The following ZC3H8 variants were observed in gnomAD, a reference collection of about 807,000 sequenced individuals.
ZC3H8 encodes the protein zinc finger CCCH domain-containing protein 8.
ZC3H8 carries 27 observed loss-of-function variants against 42.5 expected under a neutral mutation model. That is an observed-to-expected ratio of 0.64 (90% confidence interval 0.47 to 0.88). The LOEUF is 0.88. ZC3H8 is among the 40% of genes least tolerant of loss of function. The probability of loss-of-function intolerance (pLI) is 0.00; values close to 1 mark genes in which losing one functional copy is unlikely to be tolerated. For synonymous variants in ZC3H8, 101 were observed against 110.1 expected (o/e 0.92, Z 0.52); for missense variants, 277 against 336.1 (o/e 0.82, Z 1.37).
rs1684281677 is a variant in ZC3H8 at position 112,215,330 on chromosome 2, A to C, written c.*1154T>G. The C allele has an allele frequency of 6.6e-6, 1 of 152,226 alleles. No individual in the cohort carries two copies. The highest frequency in any genetic ancestry group is 1.5e-5 in the Non-Finnish European group (1 of 68,054). The allele number at this position is 152,226 out of a possible 1,614,324, so 9.4% of individuals were successfully genotyped here. The stretch of plus-strand genomic sequence containing the variant: ...CCAATCAACCTGGGCAGACAGCAAA[A>C]GGGCACTGAGAGATGACTTGCTCTC... On this transcript the variant is annotated 3_prime_UTR_variant, in exon 9 of 9. Coordinates refer to ENST00000409573, the MANE Select transcript of ZC3H8 (RefSeq NM_032494.3).
chr2:112,234,610 G>T (rs1467528887), intron 4 of ZC3H8, among the ~76,000 whole-genome samples: 2 of 152,126 alleles, frequency 1.3e-5, no homozygotes, highest in African/African-American at 4.8e-5. Flanking sequence ...AGACCAGCCT[G>T]GCCAACACAG....
chr2:112,219,768 A>G (rs1404394955), intron 8 of ZC3H8, among the ~76,000 whole-genome samples: 1 of 152,108 alleles, frequency 6.6e-6, no homozygotes, highest in Non-Finnish European at 1.5e-5. Context: ...AGAGTTCTGC[A>G]GATGTCTACT....
Position 112,255,039 on chromosome 2 carries a change from G to C in ZC3H8, c.-58C>G. ...GAAGCTACAGAGTAACAACCCGAGA[G>C]AGTGACAACCCGGACGCGACGAGAC... On this transcript the variant is annotated 5_prime_UTR_variant, in exon 1 of 9. Coordinates refer to ENST00000409573, the MANE Select transcript of ZC3H8 (RefSeq NM_032494.3). 1 of 1,534,056 alleles carries C rather than the reference G, an allele frequency of 6.5e-7. No individual in the cohort carries two copies. The highest frequency in any genetic ancestry group is 8.8e-7 in the Non-Finnish European group (1 of 1,137,118).
chr2:112,228,914 GATCTAA>G (rs1684970038), intron 8 of ZC3H8, among the ~76,000 whole-genome samples: 1 of 151,576 alleles, frequency 6.6e-6, no homozygotes, highest in Non-Finnish European at 1.5e-5. Flanking sequence ...AATGGGCAGA[GATCTAA>G]ACTGACTAAT....
rs919426290 is a variant in ZC3H8 at position 112,255,025 on chromosome 2, G to C, written c.-44C>G. 1.9e-6 allele frequency: 3 copies of C among 1,560,346 alleles called. No individual in the cohort carries two copies. The highest frequency in any genetic ancestry group is 3.8e-5 in the Admixed American group (2 of 52,330). On this transcript the variant is annotated 5_prime_UTR_variant, in exon 1 of 9. Coordinates refer to ENST00000409573, the MANE Select transcript of ZC3H8 (RefSeq NM_032494.3). ...CTTTCGCGAGCCGGGAAGCTACAGA[G>C]TAACAACCCGAGAGAGTGACAACCC...
intron 8 of ZC3H8, among the ~76,000 whole-genome samples, chr2:112,219,359 T>G (rs1684484993): frequency 6.6e-6 from 1 of 152,214 alleles, no homozygotes; most frequent in African/African-American, 2.4e-5. Context: ...CAAATGGTGC[T>G]AGGAAAACTG....
In ZC3H8 at chr2:112,250,285, T is replaced by C. The variant is rs1238143081; in HGVS notation, c.75-13A>G. On this transcript the variant is annotated splice_polypyrimidine_tract_variant and intron_variant, in intron 1 of 8. Transcript: ENST00000409573. ...TTCATCATCGATTCTGTAGCAAAAA[T>C]ATCAAATAACACAAAAGAGTTTTTT... 6.5e-7 allele frequency: 1 copy of C among 1,538,538 alleles called. No individual in the cohort carries two copies. The highest frequency in any genetic ancestry group is 8.8e-7 in the Non-Finnish European group (1 of 1,139,808).
intron 8 of ZC3H8, among the ~76,000 whole-genome samples, chr2:112,218,189 G>A (rs1186162260): frequency 6.6e-6 from 1 of 152,070 alleles, no homozygotes; most frequent in Non-Finnish European, 1.5e-5. Flanking sequence ...CATTCTCTAG[G>A]CATAATATTG....
chr2:112,243,601 A>G (rs1045000015), intron 2 of ZC3H8, among the ~76,000 whole-genome samples: 2 of 151,504 alleles, frequency 1.3e-5, no homozygotes, highest in African/African-American at 4.9e-5. Context: ...CATTCTTCTC[A>G]TTAGAATCGT....
In ZC3H8 at chr2:112,212,965, C is replaced by CTTTTTTTTT. The variant is rs35500593; in HGVS notation, c.*3510_*3518dup. On this transcript the variant is annotated 3_prime_UTR_variant, in exon 9 of 9. Coordinates refer to ENST00000409573, the MANE Select transcript of ZC3H8 (RefSeq NM_032494.3). ...CAGCAAGCACAACTCAGAAGAAATGCTTTTTTTTTTTTTTTTTTTTTTTAT... is the reference window on the plus strand; with the variant it reads ...CAGCAAGCACAACTCAGAAGAAATGCTTTTTTTTTTTTTTTTTTTTTTTTTTTTTTTTAT... 34 of 84,888 alleles carry CTTTTTTTTT rather than the reference C, an allele frequency of 4.0e-4. No individual in the cohort carries two copies. The highest frequency in any genetic ancestry group is 7.5e-4 in the African/African-American group (16 of 21,230). The allele number at this position is 84,888 out of a possible 1,614,324, so 5.3% of individuals were successfully genotyped here.
rs1272221524 is a variant in ZC3H8, at chr2:112,215,308, A to G, written c.*1176T>C. The G allele has an allele frequency of 2.0e-5, 3 of 152,290 alleles. No individual in the cohort carries two copies. Among genetic ancestry groups the G allele is most frequent in the Admixed American group, 6.5e-5 (1 of 15,296 alleles). 9.4% of individuals were successfully genotyped at this position (152,290 alleles called of 1,614,324 possible). A position where few individuals can be genotyped will look rare whatever the true frequency, so the allele number is the denominator to read the frequency against. On this transcript the variant is annotated 3_prime_UTR_variant, in exon 9 of 9. Coordinates refer to ENST00000409573, the MANE Select transcript of ZC3H8 (RefSeq NM_032494.3). Reference sequence around the variant, plus strand: ...CGAGCCACAGCTGAGAAGCGAACCAATCAACCTGGGCAGACAGCAAAAGGG... The same window carrying G: ...CGAGCCACAGCTGAGAAGCGAACCAGTCAACCTGGGCAGACAGCAAAAGGG...
At chr2:112,227,953 T>C (rs1004071245) in intron 8 of ZC3H8, among the ~76,000 whole-genome samples, 1 of 151,854 alleles carries the variant, frequency 6.6e-6, no homozygotes, top group African/African-American at 2.4e-5. Flanking sequence ...TTAAAACTTA[T>C]ATGGAAAAGC....
chr2:112,250,105 TG>T, intron 2 of ZC3H8, 85 bp downstream of exon 2: 1 of 964,268 alleles, frequency 1.0e-6, no homozygotes, highest in Non-Finnish European at 1.5e-6. Context: ...CATTTCCATC[TG>T]TTTTTTCTTT....
intron 1 of ZC3H8, among the ~76,000 whole-genome samples, chr2:112,254,321 T>C (rs1457890137): frequency 6.6e-6 from 1 of 152,242 alleles, no homozygotes; most frequent in East Asian, 1.9e-4. Context: ...AGAGTCTCAC[T>C]TGCTTTTCCA....
intron 8 of ZC3H8, among the ~76,000 whole-genome samples, chr2:112,220,081 T>C (rs1284709926): frequency 6.6e-6 from 1 of 152,202 alleles, no homozygotes; most frequent in Non-Finnish European, 1.5e-5. Flanking sequence ...CAGCATACCA[T>C]TGGGTTTTGT....
In ZC3H8 at chr2:112,238,485, T is replaced by C; in HGVS notation, c.200A>G (p.Lys67Arg). The C allele has an allele frequency of 6.2e-7, 1 of 1,612,364 alleles. No individual in the cohort carries two copies. The highest frequency in any genetic ancestry group is 2.2e-5 in the East Asian group (1 of 44,860). Residue 67 changes from lysine (K) to arginine (R), a missense_variant, in exon 3 of 9, where the codon AAA becomes AGA. Coordinates refer to ENST00000409573, the MANE Select transcript of ZC3H8 (RefSeq NM_032494.3). Reference sequence around the variant, plus strand: ...TACATCATAGTCCTTACTTCTTGATTTTCTATGCAGCGAACTTTTTGGTGA... The same window carrying C: ...TACATCATAGTCCTTACTTCTTGATCTTCTATGCAGCGAACTTTTTGGTGA... ...AISPKSSLHR[K>R]SRSKDYDVYS... is the part of the protein sequence containing the mutation.
intron 2 of ZC3H8, among the ~76,000 whole-genome samples, chr2:112,248,782 T>C (rs994095912): frequency 1.3e-5 from 2 of 152,330 alleles, no homozygotes; most frequent in Middle Eastern, 3.4e-3. Context: ...TATAATGAAC[T>C]ACTAACCCCT....
intron 3 of ZC3H8, 117 bp downstream of exon 3, chr2:112,238,198 T>G (rs1032232560): frequency 5.1e-5 from 55 of 1,077,740 alleles, no homozygotes; most frequent in Admixed American, 3.8e-4. Flanking sequence ...TAAATATTCA[T>G]GAAAACCATA....
chr2:112,238,611 A>G, intron 2 of ZC3H8, 83 bp from the exon 3 acceptor site: 1 of 1,150,024 alleles, frequency 8.7e-7, no homozygotes, highest in South Asian at 1.5e-5. Context: ...AAGATTGGCT[A>G]TAAACTGGTC....
Sources: gnomAD v4.1 joint callset for allele counts (sites outside exome capture counted in the v4.1 genomes callset) on GRCh38, gnomAD v4.1.1 for gene constraint, MANE v1.5 for transcripts, NCBI Gene and HGNC (gene_info 2026-07-23, HGNC 2026-07-21) for gene names.